The following ZEB1 variants were observed in gnomAD, a reference collection of about 807,000 sequenced individuals.
ZEB1 encodes zinc finger E-box-binding homeobox 1.
In ZEB1, 21 loss-of-function variants were observed where a neutral mutation model predicts 84.9. The observed-to-expected ratio is 0.25, with a 90% CI of 0.18 to 0.36. The LOEUF is 0.36. ZEB1 is among the 10% of genes least tolerant of loss of function. ZEB1 has a pLI of 1.00. For synonymous variants in ZEB1, 420 were observed against 471.1 expected (o/e 0.89, Z 1.41); for missense variants, 1,104 against 1,330.2 (o/e 0.83, Z 2.65).
At chr10:31,327,099 C>CTTTTTTT (rs71527629) in intron 1 of ZEB1, among the ~76,000 whole-genome samples, 42 of 84,914 alleles carry the variant, frequency 4.9e-4, no homozygotes, top group East Asian at 1.9e-3. Context: ...CTTTTCTTTT[C>CTTTTTTT]TTTTTTTTTT....
At chr10:31,382,949 T>C (rs2047953527) in intron 1 of ZEB1, among the ~76,000 whole-genome samples, 1 of 152,070 alleles carries the variant, frequency 6.6e-6, no homozygotes, top group Non-Finnish European at 1.5e-5. Flanking sequence ...CATAAATTTT[T>C]AAAAAGAGAA....
intron 1 of ZEB1, among the ~76,000 whole-genome samples, chr10:31,340,828 A>G (rs79517189): frequency 2.6e-5 from 4 of 152,206 alleles, no homozygotes; most frequent in African/African-American, 4.8e-5. Flanking sequence ...AAGGGTAGAT[A>G]TTGATTGTGA....
chr10:31,463,624 AG>A (rs1176593533), intron 2 of ZEB1, among the ~76,000 whole-genome samples: 1 of 152,226 alleles, frequency 6.6e-6, no homozygotes, highest in South Asian at 2.1e-4. Flanking sequence ...AGAGTGAACA[AG>A]CAAAGTTTCC....
chr10:31,358,776 A>G (rs2042523061), intron 1 of ZEB1, among the ~76,000 whole-genome samples: 1 of 152,220 alleles, frequency 6.6e-6, no homozygotes, highest in Non-Finnish European at 1.5e-5. Context: ...TGGCTAAAAT[A>G]TTTAACCAGC....
intron 1 of ZEB1, among the ~76,000 whole-genome samples, chr10:31,368,005 A>G (rs549317789): frequency 1.3e-5 from 2 of 152,118 alleles, no homozygotes; most frequent in African/African-American, 4.8e-5. Flanking sequence ...AGATGCATAT[A>G]TATTTACTCT....
At chr10:31,505,604 T>C (rs1205110226) in intron 4 of ZEB1, among the ~76,000 whole-genome samples, 1 of 151,982 alleles carries the variant, frequency 6.6e-6, no homozygotes, top group Non-Finnish European at 1.5e-5. Flanking sequence ...TGGTATCATT[T>C]GTTAGTCTTC....
chr10:31,462,527 G>A (rs543533993), intron 2 of ZEB1, among the ~76,000 whole-genome samples: 1 of 152,314 alleles, frequency 6.6e-6, no homozygotes, highest in South Asian at 2.1e-4. Flanking sequence ...GTGAAACAGA[G>A]TGGTCTTTAG....
intron 4 of ZEB1, 75 bp downstream of exon 4, chr10:31,502,584 C>G (rs1204366550): frequency 1.3e-6 from 2 of 1,588,164 alleles, no homozygotes; most frequent in Admixed American, 1.7e-5. Context: ...CTATGGGAAC[C>G]TGCTCTACTA....
At chr10:31,400,094 C>A (rs1035841928) in intron 1 of ZEB1, among the ~76,000 whole-genome samples, 3 of 152,112 alleles carry the variant, frequency 2.0e-5, no homozygotes, top group Admixed American at 6.6e-5. Flanking sequence ...CTTTATGTTT[C>A]TTTTCTTGAA....
chr10:31,336,130 C>G (rs1334177647), intron 1 of ZEB1, among the ~76,000 whole-genome samples: 1 of 152,158 alleles, frequency 6.6e-6, no homozygotes, highest in Non-Finnish European at 1.5e-5. Context: ...GGTGCCATTT[C>G]TCCCCAATTT....
At chr10:31,454,335 C>T (rs1485287671) in intron 1 of ZEB1, among the ~76,000 whole-genome samples, 1 of 152,134 alleles carries the variant, frequency 6.6e-6, no homozygotes, top group Non-Finnish European at 1.5e-5. Flanking sequence ...GCAAGCATTC[C>T]CTTTGAAAAC....
intron 4 of ZEB1, among the ~76,000 whole-genome samples, chr10:31,504,588 A>T (rs560705226): frequency 6.6e-6 from 1 of 152,154 alleles, no homozygotes; most frequent in South Asian, 2.1e-4. Context: ...ATCCATGAGC[A>T]TGGGATGTCT....
At chr10:31,453,461 G>A (rs1446004400) in intron 1 of ZEB1, among the ~76,000 whole-genome samples, 2 of 152,082 alleles carry the variant, frequency 1.3e-5, no homozygotes, top group African/African-American at 2.4e-5. Flanking sequence ...AATTGAGAAT[G>A]TATTGGTTTT....
intron 8 of ZEB1, 126 bp from the exon 9 acceptor site, chr10:31,526,546 T>C: frequency 8.2e-7 from 1 of 1,223,010 alleles, no homozygotes; most frequent in Non-Finnish European, 1.1e-6. Context: ...GTTTGGGACC[T>C]GGAAATGTTT....
chr10:31,405,323 G>A (rs551177842), intron 1 of ZEB1, among the ~76,000 whole-genome samples: 31 of 152,202 alleles, frequency 2.0e-4, no homozygotes, highest in African/African-American at 7.5e-4. Flanking sequence ...ACTTCCAATA[G>A]ACTTTACCAA....
chr10:31,357,299 C>CA (rs2042278943), intron 1 of ZEB1, among the ~76,000 whole-genome samples: 1 of 152,106 alleles, frequency 6.6e-6, no homozygotes, highest in African/African-American at 2.4e-5. Flanking sequence ...ACTGGGAACT[C>CA]AGAGTAGGAT....
intron 1 of ZEB1, among the ~76,000 whole-genome samples, chr10:31,412,530 A>G (rs1229695296): frequency 6.6e-6 from 1 of 152,012 alleles, no homozygotes; most frequent in Non-Finnish European, 1.5e-5. Flanking sequence ...TGTCCTTGTG[A>G]TAGTTTGCTG....
chr10:31,516,690 C>T (rs1339050896), intron 6 of ZEB1, among the ~76,000 whole-genome samples: 2 of 151,596 alleles, frequency 1.3e-5, no homozygotes, highest in African/African-American at 4.9e-5. Context: ...ATATAATCCT[C>T]AGAAATATCC....
At chr10:31,459,541 C>T (rs905711604) in intron 1 of ZEB1, among the ~76,000 whole-genome samples, 1 of 152,020 alleles carries the variant, frequency 6.6e-6, no homozygotes, top group African/African-American at 2.4e-5. Context: ...ATTTTACATG[C>T]ATTACTTTTA....
Sources: allele counts gnomAD v4.1 joint callset (sites outside exome capture counted in the v4.1 genomes callset), GRCh38; gene constraint gnomAD v4.1.1; transcripts MANE v1.5; gene names NCBI Gene and HGNC (gene_info 2026-07-23, HGNC 2026-07-21).